Variants in KIF5C observed in about 807,000 individuals in gnomAD.
KIF5C encodes the protein kinesin family member 5C.
A neutral mutation model predicts 125.2 loss-of-function variants in KIF5C; 18 were observed. The ratio of observed to expected loss-of-function variants is 0.14; its 90% confidence interval spans 0.10 to 0.21. The LOEUF is 0.21. Among genes scored for constraint, KIF5C ranks in the 10% least tolerant of loss-of-function variants. The pLI is 1.00. For missense variants in KIF5C, 780 were observed against 1,183.8 expected (o/e 0.66, Z 5.01); for synonymous variants, 405 against 434.0 (o/e 0.93, Z 0.83).
chr2:148,986,488 G>A (rs982769207), intron 15 of KIF5C, among the ~76,000 whole-genome samples: 2 of 152,126 alleles, frequency 1.3e-5, no homozygotes, highest in Admixed American at 6.5e-5. Context: ...GACAAGATAA[G>A]CTCAGACAGT....
intron 1 of KIF5C, among the ~76,000 whole-genome samples, chr2:148,901,657 C>T (rs1680907209): frequency 6.6e-6 from 1 of 152,160 alleles, no homozygotes; most frequent in Non-Finnish European, 1.5e-5. Flanking sequence ...TTTTAAGCAA[C>T]TTCCTCCCAT....
intron 3 of KIF5C, among the ~76,000 whole-genome samples, chr2:148,933,491 C>T (rs1040214416): frequency 5.3e-5 from 8 of 151,662 alleles, no homozygotes; most frequent in African/African-American, 1.7e-4. Context: ...GACATATGCA[C>T]ACCACGCACA....
Position 148,920,012 on chromosome 2 carries a change from A to G in KIF5C, c.127-2125A>G, listed in dbSNP as rs555683586. Among the ~76,000 whole-genome samples the G allele has an allele frequency of 1.2e-3, 185 of 152,342 alleles. 1 individual carries two copies. The highest frequency in any genetic ancestry group is 4.2e-3 in the African/African-American group (174 of 41,576). ...ATTATGTTATTTAAATGAGGAATAG[A>G]GATTTCTTGCTCTCTACTTCTCTTA... On this transcript the variant is annotated intron_variant, in intron 1 of 25. Coordinates refer to ENST00000435030, the MANE Select transcript of KIF5C (RefSeq NM_004522.3).
intron 13 of KIF5C, 31 bp downstream of exon 13, chr2:148,979,021 A>G (rs371621219): frequency 4.6e-6 from 7 of 1,531,640 alleles, no homozygotes; most frequent in African/African-American, 4.2e-5. Context: ...TTTTTTCCAC[A>G]AAGTTCTTCT....
intron 21 of KIF5C, among the ~76,000 whole-genome samples, chr2:149,003,885 A>T (rs1352872148): frequency 1.3e-5 from 2 of 152,214 alleles, no homozygotes; most frequent in East Asian, 3.9e-4. Flanking sequence ...TGAAAAATGT[A>T]AACTGTGATT....
chr2:148,916,650 T>TA (rs1036681283), intron 1 of KIF5C, among the ~76,000 whole-genome samples: 6 of 151,226 alleles, frequency 4.0e-5, no homozygotes, highest in Admixed American at 1.3e-4. Flanking sequence ...TTTTTTTTTT[T>TA]AAAAACAGAA....
intron 22 of KIF5C, among the ~76,000 whole-genome samples, chr2:149,005,702 A>G (rs1300677490): frequency 1.3e-5 from 2 of 152,204 alleles, no homozygotes; most frequent in Admixed American, 6.5e-5. Context: ...TCTGGCCTTC[A>G]TTTCAAATGA....
chr2:148,990,919 C>T (rs947915865), intron 15 of KIF5C, 91 bp from the exon 16 acceptor site: 2 of 1,474,132 alleles, frequency 1.4e-6, no homozygotes, highest in Admixed American at 4.9e-5. Flanking sequence ...AATCCATGGA[C>T]ACCTTGGGGA....
chr2:148,998,920 G>A lies in KIF5C; in HGVS notation c.2210+411G>A, dbSNP rs534069018. ...GATTCTAGTAGGTTAATAAACACTC[G>A]AGAGAAGACAGCACCACCGCCTCCC... is the stretch of plus-strand genomic sequence containing the variant. On this transcript the variant is annotated intron_variant, in intron 19 of 25. Transcript: ENST00000435030. 29 of 159,358 alleles carry A rather than the reference G, an allele frequency of 1.8e-4. 1 individual carries two copies. The South Asian group carries it at 4.7e-3, about 26-fold the overall frequency. 9.9% of individuals were successfully genotyped at this position (159,358 alleles called of 1,614,324 possible). A position where few individuals can be genotyped will look rare whatever the true frequency, so the allele number is the denominator to read the frequency against.
In KIF5C at chr2:149,024,265, T is replaced by C. The variant is rs944053616; in HGVS notation, c.*1195T>C. 1 of 152,538 alleles carries C rather than the reference T, an allele frequency of 6.6e-6. No individual in the cohort carries two copies. The highest frequency in any genetic ancestry group is 1.5e-5 in the Non-Finnish European group (1 of 68,038). 9.4% of individuals were successfully genotyped at this position (152,538 alleles called of 1,614,324 possible). A position where few individuals can be genotyped will look rare whatever the true frequency, so the allele number is the denominator to read the frequency against. ...ATCAACCCTTACTTCCAGTTGTGCT[T>C]ATTAAGAAGATCAATTTCCAAGTAG... On this transcript the variant is annotated 3_prime_UTR_variant, in exon 26 of 26. Coordinates refer to ENST00000435030, the MANE Select transcript of KIF5C (RefSeq NM_004522.3).
At chr2:148,933,081 A>G (rs909600538) in intron 3 of KIF5C, among the ~76,000 whole-genome samples, 20,715 of 152,074 alleles carry the variant, frequency 0.14, 2,187 homozygotes, top group African/African-American at 0.28. Flanking sequence ...CCCCAAGTTC[A>G]TGTTTGATCC....
intron 17 of KIF5C, among the ~76,000 whole-genome samples, chr2:148,996,633 C>T (rs1681682252): frequency 6.6e-6 from 1 of 152,204 alleles, no homozygotes; most frequent in Admixed American, 6.5e-5. Flanking sequence ...TTAGGGAGCA[C>T]CATCGACCAA....
intron 12 of KIF5C, among the ~76,000 whole-genome samples, chr2:148,975,379 C>T (rs1681032913): frequency 6.6e-6 from 1 of 152,188 alleles, no homozygotes; most frequent in African/African-American, 2.4e-5. Context: ...TGGGATATGG[C>T]ACCTTCTTAG....
chr2:148,951,486 C>G (rs915615057), intron 10 of KIF5C, among the ~76,000 whole-genome samples: 8 of 152,150 alleles, frequency 5.3e-5, no homozygotes, highest in African/African-American at 1.9e-4. Context: ...AAGGCCTGAC[C>G]TCCTTCAGGC....
At chr2:148,939,667 A>G (rs886845876) in intron 4 of KIF5C, among the ~76,000 whole-genome samples, 22 of 152,340 alleles carry the variant, frequency 1.4e-4, no homozygotes, top group African/African-American at 5.3e-4. Context: ...ACTTATGCTT[A>G]CTTGTTTTAT....
intron 1 of KIF5C, among the ~76,000 whole-genome samples, chr2:148,915,130 C>T (rs768894565): frequency 1.3e-5 from 2 of 152,064 alleles, no homozygotes; most frequent in Non-Finnish European, 2.9e-5. Context: ...GACATAGTGA[C>T]TTCAGGACTG....
chr2:148,897,466 A>G (rs530720219), intron 1 of KIF5C, among the ~76,000 whole-genome samples: 4 of 152,320 alleles, frequency 2.6e-5, no homozygotes, highest in South Asian at 4.1e-4. Context: ...GCTCAGCTCA[A>G]TGCTCCACCT....
chr2:148,875,595 C>T lies in KIF5C; in HGVS notation c.-23C>T. 1.5e-6 allele frequency: 2 copies of T among 1,353,154 alleles called. No homozygotes were observed. Among genetic ancestry groups the T allele is most frequent in the Non-Finnish European group, 2.0e-6 (2 of 985,722 alleles). 83.8% of individuals were successfully genotyped at this position (1,353,154 alleles called of 1,614,324 possible). On this transcript the variant is annotated 5_prime_UTR_variant, in exon 1 of 26. Coordinates refer to ENST00000435030, the MANE Select transcript of KIF5C (RefSeq NM_004522.3). ...CCCCGGCCCCCCACCCATCCCCGTG[C>T]CCCCTCCCTACCGCCGGCCGAGATG...
intron 25 of KIF5C, among the ~76,000 whole-genome samples, chr2:149,022,295 G>C (rs1372952023): frequency 6.6e-6 from 1 of 152,148 alleles, no homozygotes; most frequent in Non-Finnish European, 1.5e-5. Flanking sequence ...ACTTATGGAA[G>C]AGAATGTTGA....
Sources: allele counts gnomAD v4.1 joint callset (sites outside exome capture counted in the v4.1 genomes callset), GRCh38; gene constraint gnomAD v4.1.1; transcripts MANE v1.5; gene names NCBI Gene and HGNC (gene_info 2026-07-23, HGNC 2026-07-21).